Variants in PTPRT observed in about 807,000 individuals in gnomAD.
PTPRT encodes the protein receptor-type tyrosine-protein phosphatase T.
Under a neutral mutation model 176.8 loss-of-function variants are expected in PTPRT, and 56 were observed. That is an observed-to-expected ratio of 0.32 (90% confidence interval 0.26 to 0.40). The LOEUF (loss-of-function observed/expected upper bound fraction) is 0.40. PTPRT is among the 10% of genes least tolerant of loss of function. The pLI is 1.00. For missense variants in PTPRT, 1,540 were observed against 1,908.2 expected, an observed-to-expected ratio of 0.81 and a Z score of 3.60; for synonymous variants, 783 against 739.0, an observed-to-expected ratio of 1.06 and a Z score of -0.96.
chr20:42,720,911 C>T (rs535865593), intron 6 of PTPRT, among the ~76,000 whole-genome samples: 2 of 152,292 alleles, frequency 1.3e-5, no homozygotes, highest in African/African-American at 4.8e-5. Context: ...GACCTCCTGG[C>T]ATGCAGCCCT....
At chr20:42,391,524 C>T (rs887881268) in intron 9 of PTPRT, among the ~76,000 whole-genome samples, 4 of 152,118 alleles carry the variant, frequency 2.6e-5, no homozygotes, top group Non-Finnish European at 4.4e-5. Context: ...CAGGCCTGGA[C>T]GACTCCCATC....
chr20:42,685,443 G>C (rs2075676165), intron 6 of PTPRT: 1 of 152,160 alleles, frequency 6.6e-6, no homozygotes, highest in South Asian at 2.1e-4. Context: ...ATGATCTTGT[G>C]CCAGACTGAA....
chr20:42,387,554 C>A (rs2058756362), intron 9 of PTPRT, among the ~76,000 whole-genome samples: 1 of 152,128 alleles, frequency 6.6e-6, no homozygotes, highest in Admixed American at 6.5e-5. Context: ...ATTTGAAAAT[C>A]CGTATCCACA....
intron 1 of PTPRT, among the ~76,000 whole-genome samples, chr20:43,108,163 T>A (rs1039562813): frequency 7.2e-5 from 11 of 152,186 alleles, no homozygotes; most frequent in Non-Finnish European, 2.9e-5. Context: ...ATGGCAGAAG[T>A]CATGTGCTGG....
At chr20:42,756,772 A>G (rs2076839582) in intron 5 of PTPRT, 136 bp from the exon 6 acceptor site, 3 of 740,692 alleles carry the variant, frequency 4.1e-6, no homozygotes, top group Non-Finnish European at 6.1e-6. Context: ...ATTTCCAGCC[A>G]GGCACAGTGG....
chr20:42,081,120 T>C (rs1160645353), intron 30 of PTPRT, among the ~76,000 whole-genome samples, 188 bp from the exon 31 acceptor site: 1 of 152,226 alleles, frequency 6.6e-6, no homozygotes, highest in Non-Finnish European at 1.5e-5. Flanking sequence ...TGCCTGCTTC[T>C]ACCCAAGCTT....
At chr20:43,023,640 G>A (rs1187054322) in intron 1 of PTPRT, among the ~76,000 whole-genome samples, 1 of 152,172 alleles carries the variant, frequency 6.6e-6, no homozygotes, top group Admixed American at 6.5e-5. Flanking sequence ...TTAGAGAAGA[G>A]GCAGAGAGCT....
At chr20:42,340,572 T>C (rs2058097566) in intron 11 of PTPRT, among the ~76,000 whole-genome samples, 1 of 152,240 alleles carries the variant, frequency 6.6e-6, no homozygotes, top group Admixed American at 6.5e-5. Context: ...CCTCAACAGC[T>C]GGAGCAGGCA....
intron 14 of PTPRT, among the ~76,000 whole-genome samples, chr20:42,242,106 G>GAAACA (rs1241943766): frequency 2.0e-5 from 3 of 152,130 alleles, no homozygotes; most frequent in South Asian, 2.1e-4. Flanking sequence ...TGTCTACCCA[G>GAAACA]AAACAAAACA....
intron 1 of PTPRT, among the ~76,000 whole-genome samples, chr20:43,146,184 T>G (rs1396275971): frequency 1.3e-5 from 2 of 152,126 alleles, no homozygotes; most frequent in Non-Finnish European, 2.9e-5. Flanking sequence ...TACAACATAA[T>G]CCCCACTGAC....
chr20:42,549,972 C>T (rs2072738944), intron 7 of PTPRT, among the ~76,000 whole-genome samples: 1 of 152,126 alleles, frequency 6.6e-6, no homozygotes, highest in African/African-American at 2.4e-5. Context: ...CTGTTTGTTT[C>T]AAATTGAAAA....
chr20:43,029,752 T>C (rs1012618276), intron 1 of PTPRT, among the ~76,000 whole-genome samples: 5 of 152,260 alleles, frequency 3.3e-5, no homozygotes, highest in African/African-American at 1.2e-4. Context: ...TGGAAGAACA[T>C]ATACCCTCAC....
intron 15 of PTPRT, among the ~76,000 whole-genome samples, chr20:42,214,442 C>T (rs1285094417): frequency 1.3e-5 from 2 of 152,204 alleles, no homozygotes; most frequent in Non-Finnish European, 2.9e-5. Flanking sequence ...TCCTTTCCCT[C>T]CTGCCCCATC....
At chr20:42,643,998 G>A (rs1256631339) in intron 7 of PTPRT, among the ~76,000 whole-genome samples, 1 of 152,106 alleles carries the variant, frequency 6.6e-6, no homozygotes, top group African/African-American at 2.4e-5. Flanking sequence ...TCCACAGATT[G>A]AAGGAGTGAA....
chr20:43,095,268 CT>C (rs2012083320), intron 1 of PTPRT, among the ~76,000 whole-genome samples: 3 of 152,142 alleles, frequency 2.0e-5, no homozygotes, highest in Admixed American at 2.0e-4. Flanking sequence ...ATACCTCGTA[CT>C]TTCACCCTGT....
chr20:42,133,745 T>C (rs573636410), intron 18 of PTPRT, among the ~76,000 whole-genome samples: 2 of 152,292 alleles, frequency 1.3e-5, no homozygotes, highest in East Asian at 3.9e-4. Context: ...ACCACACTAA[T>C]GCAAGATGTT....
chr20:42,636,968 C>T (rs1479160561), intron 7 of PTPRT, among the ~76,000 whole-genome samples: 1 of 151,932 alleles, frequency 6.6e-6, no homozygotes, highest in African/African-American at 2.4e-5. Flanking sequence ...AAATATAGCA[C>T]TCAAACCTTC....
chr20:42,053,497 C>T, the PTPRT span, among the ~76,000 whole-genome samples: 227 of 152,310 alleles, frequency 1.5e-3, 2 homozygotes, highest in African/African-American at 5.2e-3. Flanking sequence ...ACTCAGACAA[C>T]GAGGGCATTT....
chr20:42,600,661 C>A (rs1455415522), intron 7 of PTPRT, among the ~76,000 whole-genome samples: 3 of 152,060 alleles, frequency 2.0e-5, no homozygotes, highest in Admixed American at 2.0e-4. Context: ...CCACTCTGTA[C>A]GCCTGTGTGA....
Sources: allele counts gnomAD v4.1 joint callset (sites outside exome capture counted in the v4.1 genomes callset), GRCh38; gene constraint gnomAD v4.1.1; transcripts MANE v1.5; gene names NCBI Gene and HGNC (gene_info 2026-07-23, HGNC 2026-07-21).